Variants in BTD observed in about 807,000 individuals in gnomAD.
The protein encoded by BTD is biotinidase.
A neutral mutation model predicts 17.7 loss-of-function variants in BTD; 13 were observed. The observed-to-expected ratio is 0.74, with a 90% CI of 0.48 to 1.17. BTD has a LOEUF of 1.17. BTD is among the 50% of genes most tolerant of loss of function. The probability of loss-of-function intolerance (pLI) is 0.00; values close to 1 mark genes in which losing one functional copy is unlikely to be tolerated. For synonymous variants in BTD, 240 were observed against 245.2 expected (o/e 0.98, Z 0.20); for missense variants, 674 against 650.4 (o/e 1.04, Z -0.39).
intron 3 of BTD, chr3:15,686,539 C>A (rs2068149286): frequency 5.6e-6 from 3 of 535,646 alleles, no homozygotes; most frequent in Admixed American, 3.2e-5. Flanking sequence ...GCCTACCCAG[C>A]ACCCATGCCC....
chr3:15,657,002 C>T (rs2065877326), downstream of BTD, among the ~76,000 whole-genome samples: 1 of 152,140 alleles, frequency 6.6e-6, no homozygotes, highest in Admixed American at 6.5e-5. Flanking sequence ...GGTAGTTTCT[C>T]CACTCAGGTC....
rs370012454 is a variant in BTD at position 15,641,507 on chromosome 3, C to A, written c.250-401C>A. On this transcript the variant is annotated intron_variant, in intron 2 of 3. Coordinates refer to ENST00000643237, the MANE Select transcript of BTD (RefSeq NM_001370658.1). ...GACAACCACCAGACTGAAGATACCACGTGTGTTAATGGGCCCAATGTATTC... is the reference window on the plus strand; with the variant it reads ...GACAACCACCAGACTGAAGATACCAAGTGTGTTAATGGGCCCAATGTATTC... Among the ~76,000 whole-genome samples the A allele has an allele frequency of 2.0e-5, 3 of 152,202 alleles. No individual in the cohort carries two copies. The South Asian group carries it at 6.2e-4, about 31-fold the overall frequency.
In BTD at chr3:15,650,687, A is replaced by G. The variant is rs979504508; in HGVS notation, c.*5199A>G. 2.0e-5 allele frequency among the ~76,000 whole-genome samples: 3 copies of G among 152,218 alleles called. No individual in the cohort carries two copies. Among genetic ancestry groups the G allele is most frequent in the African/African-American group, 7.2e-5 (3 of 41,460 alleles). ...AGCTCCTCTTTTTACACAGTCCCTA[A>G]TTAAAGTCTCAGAGATGAACAACCT... On this transcript the variant is annotated 3_prime_UTR_variant, in exon 4 of 4. Transcript: ENST00000643237.
chr3:15,631,067 A>AT (rs1382667926), intron 1 of BTD, among the ~76,000 whole-genome samples: 1 of 152,272 alleles, frequency 6.6e-6, no homozygotes, highest in African/African-American at 2.4e-5. Flanking sequence ...TCTCCTGTTT[A>AT]TGTAAAAGAA....
intron 1 of BTD, among the ~76,000 whole-genome samples, chr3:15,626,780 C>CAAAAAAAA (rs374875165): frequency 2.1e-5 from 2 of 94,998 alleles, no homozygotes; most frequent in African/African-American, 4.7e-5. Flanking sequence ...GACCCTGTCT[C>CAAAAAAAA]AAAAAAAAAA....
chr3:15,689,039 C>A (rs2068477551), intron 3 of BTD, among the ~76,000 whole-genome samples: 1 of 152,210 alleles, frequency 6.6e-6, no homozygotes, highest in South Asian at 2.1e-4. Context: ...AACCCAACTT[C>A]TAAGGCAGAT....
chr3:15,655,031 C>A (rs564191662), downstream of BTD, among the ~76,000 whole-genome samples: 1 of 152,302 alleles, frequency 6.6e-6, no homozygotes. Context: ...CCGCGCCCGG[C>A]CTGCATCAGT....
Position 15,650,157 on chromosome 3 carries a change from CTGAATGAA to C in BTD, c.*4683_*4690del, listed in dbSNP as rs565441164. Reference sequence around the variant, plus strand: ...AAATCTGCTCTATGCTTGCTGACTGCTGAATGAATGAATGAATGAATAGGTAGTCACAA... The same window carrying C: ...AAATCTGCTCTATGCTTGCTGACTGCTGAATGAATGAATAGGTAGTCACAA... On this transcript the variant is annotated 3_prime_UTR_variant, in exon 4 of 4. Coordinates refer to ENST00000643237, the MANE Select transcript of BTD (RefSeq NM_001370658.1). Among the ~76,000 whole-genome samples the C allele has an allele frequency of 5.0e-4, 76 of 152,234 alleles. No homozygotes were observed. Among genetic ancestry groups the C allele is most frequent in the African/African-American group, 1.7e-3 (72 of 41,542 alleles).
intron 1 of BTD, among the ~76,000 whole-genome samples, chr3:15,611,387 A>G (rs2064623773): frequency 6.6e-6 from 1 of 152,230 alleles, no homozygotes; most frequent in Non-Finnish European, 1.5e-5. Context: ...TGGGTCCTAC[A>G]TGACTCTTGC....
At chr3:15,657,269 C>T (rs1315108776), downstream of BTD, among the ~76,000 whole-genome samples, 1 of 152,174 alleles carries the variant, frequency 6.6e-6, no homozygotes, top group Admixed American at 6.5e-5. Flanking sequence ...AAATACAGAG[C>T]CCACTCATCA....
chr3:15,633,698 A>T (rs1012887241), intron 1 of BTD, among the ~76,000 whole-genome samples: 1 of 152,042 alleles, frequency 6.6e-6, no homozygotes, highest in Non-Finnish European at 1.5e-5. Context: ...CAGTTTCCAT[A>T]CCTCTTAGTG....
At chr3:15,688,288 T>C (rs554817971) in intron 3 of BTD, among the ~76,000 whole-genome samples, 13 of 152,326 alleles carry the variant, frequency 8.5e-5, no homozygotes, top group Admixed American at 5.2e-4. Context: ...GTGTACAAAA[T>C]TGATTTTTAT....
chr3:15,644,727 GC>G lies in BTD; in HGVS notation c.813del (p.Phe272LeufsTer17). 1 of 1,614,182 alleles carries G rather than the reference GC, an allele frequency of 6.2e-7. No individual in the cohort carries two copies. The highest frequency in any genetic ancestry group is 8.5e-7 in the Non-Finnish European group (1 of 1,180,034). On this transcript the variant is annotated frameshift_variant, in exon 4 of 4. Coordinates refer to ENST00000643237, the MANE Select transcript of BTD (RefSeq NM_001370658.1). LOFTEE classifies it low-confidence loss of function (END_TRUNC). ...TGAGATTCAGAAAGCTTTTGCTGTT[GC>G]CTTTGGCATCAACGTTCTGGCAGCT... is the stretch of plus-strand genomic sequence containing the variant. ...AIEIQKAFAV[A>X]FGINVLAANV...
At chr3:15,715,096 A>C (rs1013381838), downstream of BTD, among the ~76,000 whole-genome samples, 8 of 152,240 alleles carry the variant, frequency 5.3e-5, no homozygotes, top group South Asian at 1.2e-3. Context: ...AGTTACGTGT[A>C]CTAAATATTT....
intron 3 of BTD, chr3:15,678,196 G>A: frequency 1.3e-6 from 2 of 1,599,730 alleles, no homozygotes; most frequent in Non-Finnish European, 1.7e-6. Flanking sequence ...CAATTTTAAA[G>A]AAGTTTCTTT....
chr3:15,694,277 T>C (rs188485885), intron 3 of BTD, among the ~76,000 whole-genome samples: 9 of 152,276 alleles, frequency 5.9e-5, no homozygotes, highest in Non-Finnish European at 1.2e-4. Flanking sequence ...CCAAATCCTA[T>C]AGTGTGAGCA....
At chr3:15,692,285 C>A (rs13074611) in intron 3 of BTD, among the ~76,000 whole-genome samples, 30,599 of 151,582 alleles carry the variant, frequency 0.2, 3,901 homozygotes, top group Non-Finnish European at 0.28. Flanking sequence ...CTTGTCTCTA[C>A]AAAAAAATAA....
At position 15,708,564 on chromosome 3, in the gene BTD, CCTCT is replaced by C. The variant is rs576296879; in HGVS notation, c.400-1493_400-1490del. Among the ~76,000 whole-genome samples, 48 of 151,840 alleles carry C rather than the reference CCTCT, an allele frequency of 3.2e-4. 1 individual carries two copies. In the South Asian group the frequency reaches 1.0e-2, roughly 32 times the overall value. On this transcript the variant is annotated intron_variant, in intron 3 of 3. Coordinates refer to the BTD transcript ENST00000672141. ...TCAACTCAAAGCATTTTTCAGAAGC[CCTCT>C]CTGTTATTTGTAGTATAGAATGCCT...
intron 3 of BTD, among the ~76,000 whole-genome samples, chr3:15,708,331 T>C (rs910530842): frequency 6.6e-6 from 1 of 152,168 alleles, no homozygotes; most frequent in East Asian, 1.9e-4. Context: ...TCCCAGTCCT[T>C]TGAGTGACTT....
Sources: gnomAD v4.1 joint callset for allele counts (sites outside exome capture counted in the v4.1 genomes callset) on GRCh38, gnomAD v4.1.1 for gene constraint, MANE v1.5 for transcripts, NCBI Gene and HGNC (gene_info 2026-07-23, HGNC 2026-07-21) for gene names.